EEA1: variants seen among roughly 807,000 people sequenced by gnomAD.
EEA1 encodes the protein early endosome antigen 1.
Under a neutral mutation model 209.2 loss-of-function variants are expected in EEA1, and 111 were observed. The observed-to-expected ratio is 0.53, with a 90% CI of 0.45 to 0.62. The LOEUF (loss-of-function observed/expected upper bound fraction) is 0.62, where lower values mean the gene tolerates loss of function less well. EEA1 is among the 20% of genes least tolerant of loss of function. The probability of loss-of-function intolerance (pLI) is 0.00; values close to 1 mark genes in which losing one functional copy is unlikely to be tolerated. For missense variants in EEA1, 1,343 were observed against 1,530.8 expected (o/e 0.88, Z 2.05); for synonymous variants, 536 against 540.6 (o/e 0.99, Z 0.12).
Position 92,787,941 on chromosome 12 carries a change from C to T in EEA1, c.3076G>A (p.Glu1026Lys). The T allele has an allele frequency of 6.2e-7, 1 of 1,613,204 alleles. No homozygotes were observed. The highest frequency in any genetic ancestry group is 8.5e-7 in the Non-Finnish European group (1 of 1,179,608). ...VLQNNYEKSQ[E>K]TFKQLQSDFY... ...TCAGATTGAAGCTGTTTGAAAGTTT[C>T]CTGACTTTTTTCATAGTTGTTTTGT... Residue 1026 changes from glutamate (E) to lysine (K), a missense_variant, in exon 22 of 29, where the codon GAA becomes AAA. This residue lies in a region of EEA1 where 1,307 missense variants were observed against 1,465.5 expected (regional missense o/e 0.89). Coordinates refer to ENST00000322349, the MANE Select transcript of EEA1 (RefSeq NM_003566.4).
chr12:92,905,003 G>C (rs1880313488), intron 1 of EEA1, among the ~76,000 whole-genome samples: 1 of 152,100 alleles, frequency 6.6e-6, no homozygotes, highest in African/African-American at 2.4e-5. Context: ...GGGTAGGGTC[G>C]AAAGTTCCAT....
chr12:92,877,354 A>C (rs1302878647), intron 2 of EEA1, among the ~76,000 whole-genome samples: 1 of 151,864 alleles, frequency 6.6e-6, no homozygotes, highest in African/African-American at 2.4e-5. Context: ...ATTGGAAGAG[A>C]GAGGAGATAG....
intron 21 of EEA1, among the ~76,000 whole-genome samples, chr12:92,796,523 A>G (rs1425696548): frequency 2.6e-5 from 4 of 152,108 alleles, no homozygotes; most frequent in African/African-American, 9.6e-5. Context: ...GGAAAACTAT[A>G]TATCTATAGA....
chr12:92,842,636 A>T, intron 9 of EEA1, 55 bp from the exon 10 acceptor site: 1 of 1,077,030 alleles, frequency 9.3e-7, no homozygotes, highest in Non-Finnish European at 1.3e-6. Flanking sequence ...CTAAAAGATA[A>T]AAAAAATGAA....
intron 3 of EEA1, among the ~76,000 whole-genome samples, chr12:92,863,804 A>G (rs888271582): frequency 3.9e-5 from 6 of 152,236 alleles, no homozygotes; most frequent in African/African-American, 1.4e-4. Context: ...TCAATTAACT[A>G]AAACACTAAA....
At position 92,773,045 on chromosome 12, in the gene EEA1, T is replaced by G. The variant is rs1347675560; in HGVS notation, c.*2966A>C. Reference sequence around the variant, plus strand: ...ACAATAATGTGTGGCACGTTATAATTACAGAATACCATTCATCAAGCTCAT... The same window carrying G: ...ACAATAATGTGTGGCACGTTATAATGACAGAATACCATTCATCAAGCTCAT... On this transcript the variant is annotated 3_prime_UTR_variant, in exon 29 of 29. Coordinates refer to ENST00000322349, the MANE Select transcript of EEA1 (RefSeq NM_003566.4). 2 of 152,178 alleles carry G rather than the reference T, an allele frequency of 1.3e-5. No individual in the cohort carries two copies. Among genetic ancestry groups the G allele is most frequent in the African/African-American group, 2.4e-5 (1 of 41,416 alleles). 9.4% of individuals were successfully genotyped at this position (152,178 alleles called of 1,614,324 possible). A position where few individuals can be genotyped will look rare whatever the true frequency, so the allele number is the denominator to read the frequency against.
At chr12:92,779,040 A>T in intron 25 of EEA1, 75 bp downstream of exon 25, 1 of 1,306,178 alleles carries the variant, frequency 7.7e-7, no homozygotes, top group South Asian at 1.6e-5. Flanking sequence ...CAGATCTTAT[A>T]AGTAGAACAG....
At chr12:92,843,982 G>A (rs997764765) in intron 9 of EEA1, among the ~76,000 whole-genome samples, 1 of 152,098 alleles carries the variant, frequency 6.6e-6, no homozygotes, top group Non-Finnish European at 1.5e-5. Context: ...GGGATTCTCA[G>A]TGGTGGTGTA....
intron 18 of EEA1, among the ~76,000 whole-genome samples, chr12:92,807,262 T>A (rs944376162): frequency 1.3e-5 from 2 of 151,992 alleles, no homozygotes; most frequent in Non-Finnish European, 2.9e-5. Context: ...AATTTTTTTT[T>A]TATATATAAC....
chr12:92,864,918 C>A lies in EEA1; in HGVS notation c.187G>T (p.Val63Phe), dbSNP rs1878310529. 2 of 1,610,468 alleles carry A rather than the reference C, an allele frequency of 1.2e-6. No individual in the cohort carries two copies. Among genetic ancestry groups the A allele is most frequent in the African/African-American group, 1.3e-5 (1 of 74,782 alleles). Residue 63 changes from valine (V) to phenylalanine (F), a missense_variant, in exon 3 of 29, where the codon GTT becomes TTT. Val to Phe is a conservative substitution (Grantham distance 50). Around this residue, in one of 3 missense-constraint regions of EEA1, gnomAD observed 1,307 missense variants for 1,465.5 expected, o/e 0.89. Transcript: ENST00000322349. ...ADELFKHYEA[V>F]HDAGNDSGHG... Reference sequence around the variant, plus strand: ...CCTGAGTCATTACCAGCATCATGAACAGCTTCATAATGTTTGAAAAGTTCA... The same window carrying A: ...CCTGAGTCATTACCAGCATCATGAAAAGCTTCATAATGTTTGAAAAGTTCA...
intron 1 of EEA1, among the ~76,000 whole-genome samples, chr12:92,897,488 G>T (rs562618450): frequency 5.3e-5 from 8 of 152,108 alleles, no homozygotes; most frequent in African/African-American, 1.4e-4. Context: ...AAACGTCTAG[G>T]GGGTATTTGG....
intron 1 of EEA1, among the ~76,000 whole-genome samples, chr12:92,902,792 A>C (rs1220802355): frequency 6.6e-6 from 1 of 151,664 alleles, no homozygotes; most frequent in Admixed American, 6.6e-5. Context: ...GTTTAGGCCC[A>C]AAGTTTGAGC....
At chr12:92,782,476 TCAGATA>T in intron 22 of EEA1, among the ~76,000 whole-genome samples, 1 of 152,160 alleles carries the variant, frequency 6.6e-6, no homozygotes, top group Admixed American at 6.5e-5. Context: ...AGGGACCATA[TCAGATA>T]CACTCAGAGA....
intron 1 of EEA1, among the ~76,000 whole-genome samples, chr12:92,905,790 CA>C (rs1185016749): frequency 6.6e-6 from 1 of 152,092 alleles, no homozygotes; most frequent in Admixed American, 6.5e-5. Flanking sequence ...TTTACTTATG[CA>C]ATATCTTAAA....
intron 2 of EEA1, chr12:92,883,795 A>G: frequency 1.3e-6 from 2 of 1,560,862 alleles, no homozygotes; most frequent in Non-Finnish European, 8.8e-7. Context: ...AGAGTCTCCT[A>G]AAGAGCCCGA....
intron 1 of EEA1, among the ~76,000 whole-genome samples, chr12:92,919,279 C>T (rs1333311664): frequency 4.7e-5 from 7 of 148,488 alleles, no homozygotes; most frequent in Non-Finnish European, 9.0e-5. Context: ...CAAAGCTGGG[C>T]AGAGACACAA....
At chr12:92,879,288 G>T (rs1879039263) in intron 2 of EEA1, 2 of 431,598 alleles carry the variant, frequency 4.6e-6, no homozygotes, top group Non-Finnish European at 9.1e-6. Flanking sequence ...AATCTGAAAT[G>T]AACATCATTT....
In EEA1 at chr12:92,782,096, T is replaced by C. The variant is rs1873932793; in HGVS notation, c.3190A>G (p.Ile1064Val). 6.2e-7 allele frequency: 1 copy of C among 1,612,748 alleles called. No individual in the cohort carries two copies. The highest frequency in any genetic ancestry group is 8.5e-7 in the Non-Finnish European group (1 of 1,179,212). ...TTTCCAATTTGATTTCTGTTTGAAA[T>C]CAAGTCCTCCTGTGCTAGAGAAAGC... ...EKLSLAQEDL[I>V]SNRNQIGNQN... The change falls in exon 23 of 29, where the codon ATT becomes GTT. Residue 1064 changes from isoleucine to valine, a missense_variant. Physicochemically the swap from Ile to Val is conservative, Grantham distance 29. This residue lies in a region of EEA1 where 1,307 missense variants were observed against 1,465.5 expected (regional missense o/e 0.89). Transcript: ENST00000322349.
chr12:92,928,583 G>C (rs559963417), intron 1 of EEA1, among the ~76,000 whole-genome samples: 1 of 152,172 alleles, frequency 6.6e-6, no homozygotes, highest in African/African-American at 2.4e-5. Context: ...TGGCAGGTGC[G>C]CATCGTGTCA....
Sources: gnomAD v4.1 joint callset for allele counts (sites outside exome capture counted in the v4.1 genomes callset) on GRCh38, gnomAD v4.1.1 for gene constraint, gnomAD v4.1.1 regional missense constraint, MANE v1.5 for transcripts, NCBI Gene and HGNC (gene_info 2026-07-23, HGNC 2026-07-21) for gene names.